The following AFP variants were observed in gnomAD, a reference collection of about 807,000 sequenced individuals.
AFP encodes the protein alpha fetoprotein.
Under a neutral mutation model 78.9 loss-of-function variants are expected in AFP, and 64 were observed. The ratio of observed to expected loss-of-function variants is 0.81; its 90% CI spans 0.66 to 1.00. AFP has a LOEUF of 1.00. AFP is among the 50% of genes least tolerant of loss of function. AFP has a pLI of 0.00. For synonymous variants in AFP, 254 were observed against 243.8 expected (o/e 1.04, Z -0.39); for missense variants, 689 against 703.8 (o/e 0.98, Z 0.24).
At position 73,440,689 on chromosome 4, in the gene AFP, G is replaced by C; in HGVS notation, c.358G>C (p.Gly120Arg). The C allele has an allele frequency of 1.2e-6, 2 of 1,614,108 alleles. No individual in the cohort carries two copies. Among genetic ancestry groups the C allele is most frequent in the Non-Finnish European group, 1.7e-6 (2 of 1,180,024 alleles). Residue 120 changes from glycine to arginine, a missense_variant, in exon 4 of 15, where the codon GGA (glycine) becomes CGA (arginine). Transcript: ENST00000395792. ...AGACTGCTGCAGCCAAAGTGAAGAG[G>C]GAAGACATAACTGTTTTCTTGCACA... ...HSDCCSQSEE[G>R]RHNCFLAHKK...
rs569355487 is a variant in AFP at position 73,450,075 on chromosome 4, T to C, written c.1231T>C (p.Leu411=). 4.0e-5 allele frequency: 64 copies of C among 1,613,832 alleles called. 1 individual carries two copies. In the South Asian group the frequency reaches 4.9e-4, roughly 12 times the overall value. Residue 411 remains leucine, a synonymous_variant, in exon 10 of 15, where the codon TTG becomes CTG. Coordinates refer to ENST00000395792, the MANE Select transcript of AFP (RefSeq NM_001134.3). ...LQKYIQESQA[L]AKRSCGLFQK... ...GAAATACATCCAGGAGAGCCAAGCA[T>C]TGGCAAAGCGAAGCTGCGGCCTCTT...
chr4:73,448,023 T>A (rs1179867837), intron 8 of AFP, among the ~76,000 whole-genome samples: 2 of 152,098 alleles, frequency 1.3e-5, no homozygotes. Flanking sequence ...ATATGGATAT[T>A]TTTGTAATAA....
chr4:73,449,997 G>A (rs1415800240), intron 9 of AFP, 39 bp from the exon 10 acceptor site: 3 of 1,459,320 alleles, frequency 2.1e-6, no homozygotes, highest in Non-Finnish European at 2.8e-6. Context: ...ATGCATCCAA[G>A]AAAAGAAAAA....
chr4:73,450,279 T>A (rs1382053523), intron 10 of AFP, 146 bp downstream of exon 10: 2 of 729,370 alleles, frequency 2.7e-6, no homozygotes, highest in Non-Finnish European at 4.6e-6. Context: ...ACTGTGCAAA[T>A]TTTTGCAGTA....
At chr4:73,446,917 A>G (rs1719845943) in intron 7 of AFP, among the ~76,000 whole-genome samples, 2 of 152,228 alleles carry the variant, frequency 1.3e-5, no homozygotes. Context: ...AAAAGGCAAA[A>G]GTGGGGAGAA....
chr4:73,443,544 A>C, intron 6 of AFP, 100 bp downstream of exon 6: 1 of 887,650 alleles, frequency 1.1e-6, no homozygotes, highest in Non-Finnish European at 1.9e-6. Context: ...TAGAGAATGA[A>C]GACCCCTTTG....
intron 12 of AFP, 156 bp from the exon 13 acceptor site, chr4:73,453,609 T>G: frequency 1.2e-6 from 1 of 815,438 alleles, no homozygotes; most frequent in Non-Finnish European, 2.0e-6. Flanking sequence ...CCTCAATCTT[T>G]CTACTGAAAG....
At chr4:73,453,136 A>G (rs947856095) in intron 12 of AFP, among the ~76,000 whole-genome samples, 3 of 152,318 alleles carry the variant, frequency 2.0e-5, no homozygotes, top group Admixed American at 1.3e-4. Flanking sequence ...AATGGAGCTT[A>G]TGTTCTTCAA....
chr4:73,455,130 G>T, intron 13 of AFP, 106 bp from the exon 14 acceptor site: 1 of 903,154 alleles, frequency 1.1e-6, no homozygotes, highest in Non-Finnish European at 1.8e-6. Context: ...TTTTAACTTA[G>T]TTAATCTACA....
At chr4:73,441,821 A>G (rs965625789) in intron 4 of AFP, among the ~76,000 whole-genome samples, 13 of 152,158 alleles carry the variant, frequency 8.5e-5, no homozygotes, top group African/African-American at 2.9e-4. Context: ...TCTGCCTTCC[A>G]TGTTACTTCC....
Position 73,449,418 on chromosome 4 carries a change from T to A in AFP, c.1142T>A (p.Leu381Ter). The change falls in exon 9 of 15, where the codon TTG becomes TAG. Residue 381 changes from leucine (L) to a stop codon, truncating the protein, a stop_gained. Coordinates refer to ENST00000395792, the MANE Select transcript of AFP (RefSeq NM_001134.3). LOFTEE classifies it high-confidence loss of function. ...LRVAKGYQELLEKCFQTENPL... is the reference protein window; with the variant it reads ...LRVAKGYQEL ...GTTGCTAAAGGATACCAGGAGTTAT[T>A]GGAGAAGTGTTTCCAGACTGAAAAC... The A allele has an allele frequency of 6.2e-7, 1 of 1,613,654 alleles. No homozygotes were observed. Among genetic ancestry groups the A allele is most frequent in the Non-Finnish European group, 8.5e-7 (1 of 1,179,684 alleles).
rs116256811 is a variant in AFP, at chr4:73,440,036, G to T, written c.271-566G>T. ...ATGAGAATCATGAAAATATTATTTTGCTCAGTTTCTTTTTTTATTTAAATT... is the reference window on the plus strand; with the variant it reads ...ATGAGAATCATGAAAATATTATTTTTCTCAGTTTCTTTTTTTATTTAAATT... On this transcript the variant is annotated intron_variant, in intron 3 of 14. Coordinates refer to ENST00000395792, the MANE Select transcript of AFP (RefSeq NM_001134.3). Among the ~76,000 whole-genome samples, 567 of 151,972 alleles carry T rather than the reference G, an allele frequency of 3.7e-3. 3 individuals carry two copies. The highest frequency in any genetic ancestry group is 0.013 in the African/African-American group (552 of 41,450).
chr4:73,449,188 T>C (rs926181494), intron 8 of AFP, 147 bp from the exon 9 acceptor site: 5 of 769,668 alleles, frequency 6.5e-6, no homozygotes, highest in Non-Finnish European at 1.0e-5. Context: ...TTGCCATTCA[T>C]ATAATTCAAA....
chr4:73,442,553 C>G, intron 5 of AFP, 125 bp downstream of exon 5: 1 of 1,151,154 alleles, frequency 8.7e-7, no homozygotes, highest in African/African-American at 1.5e-5. Context: ...AGAAATAGTT[C>G]AGCAGTCTGA....
At chr4:73,450,429 A>G (rs1464523024) in intron 10 of AFP, 186 bp from the exon 11 acceptor site, 2 of 752,908 alleles carry the variant, frequency 2.7e-6, no homozygotes, top group Non-Finnish European at 2.1e-6. Context: ...CTTCTATAAT[A>G]GGAGTACAGG....
At chr4:73,439,616 T>C (rs1451989412) in intron 3 of AFP, among the ~76,000 whole-genome samples, 1 of 152,184 alleles carries the variant, frequency 6.6e-6, no homozygotes, top group Non-Finnish European at 1.5e-5. Context: ...AATATTACTG[T>C]AGCAGCTATA....
In AFP at chr4:73,438,324, A is replaced by G. The variant is rs762693345; in HGVS notation, c.270+18A>G. On this transcript the variant is annotated intron_variant, in intron 3 of 14. Transcript: ENST00000395792. ...AAAACCAGGTGAGTGAATAATTTTA[A>G]AAAAGCATTGTGATATTTGACAAAA... is the stretch of plus-strand genomic sequence containing the variant. 1 of 1,603,406 alleles carries G rather than the reference A, an allele frequency of 6.2e-7. No individual in the cohort carries two copies.
intron 7 of AFP, among the ~76,000 whole-genome samples, chr4:73,446,127 G>A (rs941797887): frequency 2.6e-5 from 4 of 152,194 alleles, no homozygotes; most frequent in Admixed American, 2.0e-4. Context: ...CTGCAGAGGA[G>A]GCCTGAGAGT....
intron 6 of AFP, 82 bp downstream of exon 6, chr4:73,443,526 T>A: frequency 9.1e-7 from 1 of 1,093,620 alleles, no homozygotes; most frequent in Non-Finnish European, 1.4e-6. Flanking sequence ...TTTTAATTGT[T>A]GCTGTTTTAG....
Sources: gnomAD v4.1 joint callset for allele counts (sites outside exome capture counted in the v4.1 genomes callset) on GRCh38, gnomAD v4.1.1 for gene constraint, MANE v1.5 for transcripts, NCBI Gene and HGNC (gene_info 2026-07-23, HGNC 2026-07-21) for gene names.